CARMIL2: variants seen among roughly 807,000 people sequenced by gnomAD.
CARMIL2 encodes the protein capping protein regulator and myosin 1 linker 2, also known as capping protein, Arp2/3 and myosin-I linker protein 2.
CARMIL2 carries 96 observed loss-of-function variants against 173.3 expected under a neutral mutation model. The observed-to-expected ratio is 0.55, with a 90% CI of 0.47 to 0.66. The LOEUF (loss-of-function observed/expected upper bound fraction) is 0.66. Ranked by LOEUF, CARMIL2 falls within the 30% of genes least tolerant of loss-of-function variation. The pLI is 0.00. For synonymous variants in CARMIL2, 830 were observed against 817.1 expected (o/e 1.02, Z -0.27); for missense variants, 1,771 against 1,906.7 (o/e 0.93, Z 1.33).
chr16:67,649,146 T>C lies in CARMIL2; in HGVS notation c.1662T>C (p.Leu554=), dbSNP rs1421883497. ...GCCGGTCCCTGAGACATGTGGCGCT[T>C]GGAAGGAACTTCAACGTCCGGTGCA... ...GRSRSLRHVA[L]GRNFNVRCKE... Residue 554 remains leucine (L), a synonymous_variant, in exon 18 of 38, where the codon CTT becomes CTC. Coordinates refer to ENST00000334583, the MANE Select transcript of CARMIL2 (RefSeq NM_001013838.3). This position sits in a 1 kb window ranked among gnomAD's most constrained non-coding sequence, Gnocchi z 6.7. 2 of 1,613,584 alleles carry C rather than the reference T, an allele frequency of 1.2e-6. No individual in the cohort carries two copies. Among genetic ancestry groups the C allele is most frequent in the Admixed American group, 3.3e-5 (2 of 59,978 alleles).
intron 1 of CARMIL2, 78 bp from the exon 2 acceptor site, chr16:67,645,462 C>T: frequency 4.2e-6 from 6 of 1,435,228 alleles, no homozygotes; most frequent in Non-Finnish European, 5.8e-6. Flanking sequence ...GCCCCAGGGC[C>T]CCAGCCTGGC....
intron 31 of CARMIL2, 23 bp from the exon 32 acceptor site, chr16:67,654,755 A>G (rs746947168): frequency 6.2e-7 from 1 of 1,612,804 alleles, no homozygotes; most frequent in South Asian, 1.1e-5. Flanking sequence ...GACTGTCTCC[A>G]ACTCGAGCAT....
Position 67,646,482 on chromosome 16 carries a change from G to GC in CARMIL2, c.435dup (p.Ser146LeufsTer5). 6.2e-7 allele frequency: 1 copy of GC among 1,613,446 alleles called. No individual in the cohort carries two copies. Among genetic ancestry groups the GC allele is most frequent in the Non-Finnish European group, 8.5e-7 (1 of 1,179,862 alleles). Reference sequence around the variant, plus strand: ...ATGCTGGCTCGGCTGGAGAGAAGCAGCCCCTCGGAGTCCACTGACCCCTGC... The same window carrying GC: ...ATGCTGGCTCGGCTGGAGAGAAGCAGCCCCCTCGGAGTCCACTGACCCCTGC... On this transcript the variant is annotated frameshift_variant, in exon 6 of 38. Transcript: ENST00000334583. LOFTEE classifies it high-confidence loss of function. The surrounding 1 kb of genome is among the most constrained non-coding windows in gnomAD (Gnocchi z 4.6).
In CARMIL2 at chr16:67,648,593, A is replaced by T. The variant is rs1434767859; in HGVS notation, c.1439+91A>T. 11 of 1,428,568 alleles carry T rather than the reference A, an allele frequency of 7.7e-6. No homozygotes were observed. The African/African-American group carries it at 1.6e-4, about 21-fold the overall frequency. The allele number at this position is 1,428,568 out of a possible 1,614,324, so 88.5% of individuals were successfully genotyped here. A position where few individuals can be genotyped will look rare whatever the true frequency, so the allele number is the denominator to read the frequency against. On this transcript the variant is annotated intron_variant, in intron 15 of 37. Coordinates refer to ENST00000334583, the MANE Select transcript of CARMIL2 (RefSeq NM_001013838.3). The surrounding 1 kb of genome is among the most constrained non-coding windows in gnomAD (Gnocchi z 6.1). ...CCGCTCCTGCTTCTGTCGCTCCCAC[A>T]ACCTCCCCCAGATCCTGGCCCTGCC...
rs767575365 is a variant in CARMIL2, at chr16:67,649,778, TC to T, written c.1920-24del. 9 of 1,601,876 alleles carry T rather than the reference TC, an allele frequency of 5.6e-6. No homozygotes were observed. In the East Asian group the frequency reaches 1.3e-4, roughly 24 times the overall value. On this transcript the variant is annotated intron_variant, in intron 20 of 37. Coordinates refer to ENST00000334583, the MANE Select transcript of CARMIL2 (RefSeq NM_001013838.3). The surrounding 1 kb of genome is among the most constrained non-coding windows in gnomAD (Gnocchi z 6.7). ...TTGGGTGGGGCGTTGGGAAGCTCCG[TC>T]CCCGACTGAAGCCAGGCCCGGCCCA...
At chr16:67,654,018 T>G (rs550453702) in intron 29 of CARMIL2, 131 bp from the exon 30 acceptor site, 491 of 614,892 alleles carry the variant, frequency 8.0e-4, no homozygotes, top group Admixed American at 1.5e-3. Flanking sequence ...GAGGCTGGTA[T>G]CAGCAGCCCC....
At position 67,651,436 on chromosome 16, in the gene CARMIL2, A is replaced by C; in HGVS notation, c.2349A>C (p.Pro783=). 1 of 1,596,224 alleles carries C rather than the reference A, an allele frequency of 6.3e-7. No homozygotes were observed. Among genetic ancestry groups the C allele is most frequent in the Non-Finnish European group, 8.5e-7 (1 of 1,169,878 alleles). The change falls in exon 24 of 38, where the codon CCA becomes CCC. Residue 783 remains proline (P), a synonymous_variant. Coordinates refer to ENST00000334583, the MANE Select transcript of CARMIL2 (RefSeq NM_001013838.3). This position sits in a 1 kb window ranked among gnomAD's most constrained non-coding sequence, Gnocchi z 4.2. The part of the protein sequence containing the change: ...LPILYEAGSS[P]SHHWQLGQKL... ...TTCTATATGAAGCTGGAAGCTCCCC[A>C]AGCCATCACTGGCAGCTTGGGCAGA...
chr16:67,652,132 CTTAG>C lies in CARMIL2; in HGVS notation c.2677-62_2677-59del, dbSNP rs764486475. The stretch of plus-strand genomic sequence containing the variant: ...TAGCCCAGGGCTATTTCAGGGTCCC[CTTAG>C]TTAGCATCAATGGGATCATGGCTGA... On this transcript the variant is annotated intron_variant, in intron 26 of 37. Transcript: ENST00000334583. The surrounding 1 kb of genome is among the most constrained non-coding windows in gnomAD (Gnocchi z 4.7). 1,280 of 1,598,628 alleles carry C rather than the reference CTTAG, an allele frequency of 8.0e-4. 1 individual carries two copies. Among genetic ancestry groups the C allele is most frequent in the Non-Finnish European group, 1.0e-3 (1,193 of 1,171,474 alleles).
At position 67,648,996 on chromosome 16, in the gene CARMIL2, T is replaced by C. The variant is rs1475661793; in HGVS notation, c.1591+22T>C. 3 of 1,604,386 alleles carry C rather than the reference T, an allele frequency of 1.9e-6. No homozygotes were observed. The highest frequency in any genetic ancestry group is 2.6e-6 in the Non-Finnish European group (3 of 1,176,020). ...AACGGTGAGGCTGCAGGAGAGCCCA[T>C]CCTCGCATCATCCACTCGATTCCCA... On this transcript the variant is annotated intron_variant, in intron 17 of 37. Transcript: ENST00000334583. The surrounding 1 kb of genome is among the most constrained non-coding windows in gnomAD (Gnocchi z 6.1).
In CARMIL2 at chr16:67,652,360, G is replaced by C; in HGVS notation, c.2817+21G>C. On this transcript the variant is annotated intron_variant, in intron 27 of 37. Coordinates refer to ENST00000334583, the MANE Select transcript of CARMIL2 (RefSeq NM_001013838.3). This position sits in a 1 kb window ranked among gnomAD's most constrained non-coding sequence, Gnocchi z 4.7. ...AGAAGGTAAGTGGTTTTAGAACACG[G>C]GGCATGGCACTCCCAGTCTTCCCAT... is the stretch of plus-strand genomic sequence containing the variant. 1 of 1,612,856 alleles carries C rather than the reference G, an allele frequency of 6.2e-7. No individual in the cohort carries two copies. Among genetic ancestry groups the C allele is most frequent in the Non-Finnish European group, 8.5e-7 (1 of 1,179,438 alleles).
In CARMIL2 at chr16:67,646,441, G is replaced by C. The variant is rs1247952465; in HGVS notation, c.390G>C (p.Arg130Ser). 1 of 1,613,664 alleles carries C rather than the reference G, an allele frequency of 6.2e-7. No individual in the cohort carries two copies. The highest frequency in any genetic ancestry group is 1.3e-5 in the African/African-American group (1 of 75,012). The change falls in exon 6 of 38, where the codon AGG (arginine) becomes AGC (serine). Residue 130 changes from arginine to serine, a missense_variant. Physicochemically the swap from Arg to Ser is moderately radical, Grantham distance 110. This residue lies in a region of CARMIL2 where 944 missense variants were observed against 975.6 expected (regional missense o/e 0.97). Transcript: ENST00000334583. This position sits in a 1 kb window ranked among gnomAD's most constrained non-coding sequence, Gnocchi z 4.6. ...CCCCTACCAGGAAGCTATTCCGGAG[G>C]CCCACACCAGCCTCCATGCTGGCTC... is the stretch of plus-strand genomic sequence containing the variant. ...PRSTLGKLFRRPTPASMLARL... is the reference protein window; with the variant it reads ...PRSTLGKLFRSPTPASMLARL...
chr16:67,654,949 G>A (rs771604241), intron 32 of CARMIL2, 49 bp downstream of exon 32: 2 of 1,606,634 alleles, frequency 1.2e-6, no homozygotes, highest in African/African-American at 1.3e-5. Flanking sequence ...ATGGCATGCT[G>A]TGGGTGACAT....
chr16:67,647,282 C>T lies in CARMIL2; in HGVS notation c.688-17C>T, dbSNP rs1043546341. ...GGCCAGGGTGCAGCCCGTGAGCCGCCGCCCTCTGCTTCTCAGAGCCTTGAG... is the reference window on the plus strand; with the variant it reads ...GGCCAGGGTGCAGCCCGTGAGCCGCTGCCCTCTGCTTCTCAGAGCCTTGAG... On this transcript the variant is annotated splice_polypyrimidine_tract_variant and intron_variant, in intron 9 of 37. Transcript: ENST00000334583. 1.4e-5 allele frequency: 22 copies of T among 1,608,570 alleles called. No homozygotes were observed. Among genetic ancestry groups the T allele is most frequent in the Admixed American group, 1.7e-5 (1 of 58,966 alleles).
At position 67,648,206 on chromosome 16, in the gene CARMIL2, CCGCGGGTGTAG is replaced by C. The variant is rs2052637611; in HGVS notation, c.1228_1238del (p.Ala410GlnfsTer117). 1 of 1,605,074 alleles carries C rather than the reference CCGCGGGTGTAG, an allele frequency of 6.2e-7. No individual in the cohort carries two copies. The highest frequency in any genetic ancestry group is 8.5e-7 in the Non-Finnish European group (1 of 1,176,748). ...GCGGGACGGGGAGGGCTCGGTCCCC[CCGCGGGTGTAG>C]CCAACAGCCTCCCCCCGCAGCTCTT... On this transcript the variant is annotated frameshift_variant, in exon 14 of 38. Transcript: ENST00000334583. LOFTEE classifies it high-confidence loss of function. This position sits in a 1 kb window ranked among gnomAD's most constrained non-coding sequence, Gnocchi z 6.1.
chr16:67,647,806 G>GGGGGGGGGGGGGGCC, intron 12 of CARMIL2, 40 bp downstream of exon 12: 1 of 570,076 alleles, frequency 1.8e-6, no homozygotes, highest in Non-Finnish European at 3.2e-6. Flanking sequence ...AGGGGGGTGG[G>GGGGGGGGGGGGGGCC]GGTCTGTCCA....
chr16:67,655,400 A>T (rs2052822366), intron 32 of CARMIL2, among the ~76,000 whole-genome samples: 1 of 152,354 alleles, frequency 6.6e-6, no homozygotes, highest in African/African-American at 2.4e-5. Flanking sequence ...ACTACACACT[A>T]GCCTGGACAA....
rs2052669830 is a variant in CARMIL2 at position 67,649,351 on chromosome 16, C to A, written c.1746+40C>A. On this transcript the variant is annotated intron_variant, in intron 19 of 37. Coordinates refer to ENST00000334583, the MANE Select transcript of CARMIL2 (RefSeq NM_001013838.3). The surrounding 1 kb of genome is among the most constrained non-coding windows in gnomAD (Gnocchi z 6.7). ...CCTTGCAGGGCCTCGGGCAATTAGA[C>A]CACTTTGGTCCTCCTTTCTCTTGTT... The A allele has an allele frequency of 6.2e-7, 1 of 1,609,180 alleles. No individual in the cohort carries two copies.
Position 67,646,173 on chromosome 16 carries a change from G to T in CARMIL2, c.250-13G>T. On this transcript the variant is annotated splice_polypyrimidine_tract_variant and intron_variant, in intron 4 of 37. Coordinates refer to ENST00000334583, the MANE Select transcript of CARMIL2 (RefSeq NM_001013838.3). This position sits in a 1 kb window ranked among gnomAD's most constrained non-coding sequence, Gnocchi z 4.6. ...ATGTGTGGAGCCGAGGCCTAGTAGT[G>T]CCCCTTCCCTAGGTCACCTTTGAGC... The T allele has an allele frequency of 1.2e-6, 2 of 1,613,720 alleles. No individual in the cohort carries two copies. The highest frequency in any genetic ancestry group is 2.2e-5 in the South Asian group (2 of 91,066).
chr16:67,645,602 G>T lies in CARMIL2; in HGVS notation c.103G>T (p.Gly35Trp), dbSNP rs754038935. Reference sequence around the variant, plus strand: ...GCTGCTGCTGAAAACCTGGCTACCCGGGGAGGGTGCTGTGCAAAACCATGT... The same window carrying T: ...GCTGCTGCTGAAAACCTGGCTACCCTGGGAGGGTGCTGTGCAAAACCATGT... ...VELLLKTWLP[G>W]EGAVQNHVLA... The change falls in exon 2 of 38, where the codon GGG becomes TGG. Residue 35 changes from glycine (G) to tryptophan (W), a missense_variant. Gly to Trp is a radical substitution (Grantham distance 184). This residue lies in a region of CARMIL2 where 944 missense variants were observed against 975.6 expected (regional missense o/e 0.97). Coordinates refer to ENST00000334583, the MANE Select transcript of CARMIL2 (RefSeq NM_001013838.3). 2.5e-5 allele frequency: 40 copies of T among 1,613,292 alleles called. No homozygotes were observed.
Sources: gnomAD v4.1 joint callset for allele counts (sites outside exome capture counted in the v4.1 genomes callset) on GRCh38, gnomAD v4.1.1 for gene constraint, gnomAD v4.1.1 regional missense constraint, Gnocchi (gnomAD v3.1) non-coding constraint, MANE v1.5 for transcripts, NCBI Gene and HGNC (gene_info 2026-07-23, HGNC 2026-07-21) for gene names.